The following RAB2B variants were observed in gnomAD, a reference collection of about 807,000 sequenced individuals.
RAB2B encodes the protein RAB2B, member RAS oncogene family, also known as ras-related protein Rab-2B.
A neutral mutation model predicts 29.8 loss-of-function variants in RAB2B; 20 were observed. That is an observed-to-expected ratio of 0.67 (90% CI 0.47 to 0.97). The LOEUF (loss-of-function observed/expected upper bound fraction) is 0.97, where lower values mean the gene tolerates loss of function less well. Ranked by LOEUF, RAB2B falls within the 50% of genes least tolerant of loss-of-function variation. The probability of loss-of-function intolerance (pLI) is 0.00; values close to 1 mark genes in which losing one functional copy is unlikely to be tolerated. For missense variants in RAB2B, 218 were observed against 272.0 expected, an observed-to-expected ratio of 0.80 and a Z score of 1.40; for synonymous variants, 93 against 91.7, an observed-to-expected ratio of 1.01 and a Z score of -0.08.
At chr14:21,474,963 T>G (rs1290669410) in intron 2 of RAB2B, 29 bp from the exon 3 acceptor site, 1 of 1,603,072 alleles carries the variant, frequency 6.2e-7, no homozygotes, top group Admixed American at 1.7e-5. Flanking sequence ...AGAAAGAATG[T>G]GATTCTCACG....
At position 21,468,772 on chromosome 14, in the gene RAB2B, AC is replaced by A; in HGVS notation, c.187-21del. The A allele has an allele frequency of 6.7e-7, 1 of 1,493,932 alleles. No homozygotes were observed. The highest frequency in any genetic ancestry group is 1.4e-5 in the South Asian group (1 of 69,148). The allele number at this position is 1,493,932 out of a possible 1,614,324, so 92.5% of individuals were successfully genotyped here. A position where few individuals can be genotyped will look rare whatever the true frequency, so the allele number is the denominator to read the frequency against. On this transcript the variant is annotated intron_variant, in intron 3 of 7. Transcript: ENST00000397762. ...CCCAGCCTTTCCCACCAACATGGCA[AC>A]AAAAAATCCCAACAAAACCAGGTTA...
At chr14:21,472,989 C>T (rs73581419) in intron 3 of RAB2B, among the ~76,000 whole-genome samples, 14,920 of 152,008 alleles carry the variant, frequency 0.098, 863 homozygotes, top group Admixed American at 0.21. Flanking sequence ...TCCAGGAATT[C>T]GAGACCAGCC....
Position 21,468,423 on chromosome 14 carries a change from G to A in RAB2B, c.296C>T (p.Ser99Leu). 1 of 1,613,914 alleles carries A rather than the reference G, an allele frequency of 6.2e-7. No individual in the cohort carries two copies. Among genetic ancestry groups the A allele is most frequent in the East Asian group, 2.2e-5 (1 of 44,884 alleles). Residue 99 changes from serine (S) to leucine (L), a missense_variant, in exon 5 of 8, where the codon TCA becomes TTA. By Grantham distance (145) the Ser-to-Leu change is moderately radical (BLOSUM62 -2). Transcript: ENST00000397762. ...GTGCTGCCGGGCATCCTCTAACCATGAGGTCAGGTGGTTGAAGGTTTCACG... is the reference window on the plus strand; with the variant it reads ...GTGCTGCCGGGCATCCTCTAACCATAAGGTCAGGTGGTTGAAGGTTTCACG... ...TRRETFNHLTSWLEDARQHSS... is the reference protein window; with the variant it reads ...TRRETFNHLTLWLEDARQHSS...
At chr14:21,468,305 A>G in intron 5 of RAB2B, 52 bp downstream of exon 5, 1 of 1,370,202 alleles carries the variant, frequency 7.3e-7, no homozygotes, top group Non-Finnish European at 1.0e-6. Context: ...CAATGTGCAT[A>G]GAGTACCTAG....
At chr14:21,463,901 CTT>C (rs765483292) in intron 5 of RAB2B, 134 bp from the exon 6 acceptor site, 44 of 610,990 alleles carry the variant, frequency 7.2e-5, no homozygotes, top group Non-Finnish European at 1.2e-4. Context: ...ACATGATACT[CTT>C]ATACAGAGTT....
At chr14:21,470,295 G>A (rs1227262729) in intron 3 of RAB2B, among the ~76,000 whole-genome samples, 1 of 152,058 alleles carries the variant, frequency 6.6e-6, no homozygotes. Context: ...GCTCACACAA[G>A]TTTAATAAAC....
intron 5 of RAB2B, among the ~76,000 whole-genome samples, chr14:21,464,842 A>T (rs1422600203): frequency 6.6e-6 from 1 of 152,122 alleles, no homozygotes; most frequent in African/African-American, 2.4e-5. Flanking sequence ...TGTCTCTACA[A>T]AAATTTAAAA....
intron 6 of RAB2B, 55 bp downstream of exon 6, chr14:21,463,601 G>T: frequency 2.5e-6 from 3 of 1,200,494 alleles, no homozygotes; most frequent in Non-Finnish European, 2.5e-6. Flanking sequence ...TGAATACAAG[G>T]ACAAATAATG....
chr14:21,476,787 T>C (rs1890986413), intron 1 of RAB2B, 40 bp downstream of exon 1: 3 of 1,516,626 alleles, frequency 2.0e-6, no homozygotes, highest in Non-Finnish European at 2.7e-6. Flanking sequence ...GAGCTTCGAA[T>C]GCCCGCCCGA....
chr14:21,474,855 T>C lies in RAB2B; in HGVS notation c.186+12A>G, dbSNP rs1162700804. ...GATATTGGTCAGAGACTAAATTATT[T>C]TGTACTCTCACCGTATCCCAGATTT... On this transcript the variant is annotated intron_variant, in intron 3 of 7. Coordinates refer to ENST00000397762, the MANE Select transcript of RAB2B (RefSeq NM_032846.4). The C allele has an allele frequency of 6.2e-7, 1 of 1,609,526 alleles. No individual in the cohort carries two copies. Among genetic ancestry groups the C allele is most frequent in the Non-Finnish European group, 8.5e-7 (1 of 1,175,718 alleles).
intron 3 of RAB2B, among the ~76,000 whole-genome samples, chr14:21,469,151 A>AT (rs1566470735): frequency 6.6e-6 from 1 of 151,992 alleles, no homozygotes; most frequent in Non-Finnish European, 1.5e-5. Context: ...AGTGTATGTC[A>AT]TTTTTTTCAA....
chr14:21,469,392 A>G (rs1890755181), intron 3 of RAB2B, among the ~76,000 whole-genome samples: 1 of 152,180 alleles, frequency 6.6e-6, no homozygotes, highest in Non-Finnish European at 1.5e-5. Flanking sequence ...GGCTTCTGTC[A>G]TGGGAAATAG....
At position 21,460,140 on chromosome 14, in the gene RAB2B, A is replaced by C. The variant is rs746810033; in HGVS notation, c.*1056T>G. On this transcript the variant is annotated 3_prime_UTR_variant, in exon 8 of 8. Transcript: ENST00000397762. ...AGAATTCTTAGGAAGTGGCAAGCAG[A>C]CACCCAAAGGCAAGGAAGAAAAAAA... 2 of 518,750 alleles carry C rather than the reference A, an allele frequency of 3.9e-6. No individual in the cohort carries two copies. The highest frequency in any genetic ancestry group is 3.9e-5 in the Admixed American group (2 of 51,486). 32.1% of individuals were successfully genotyped at this position (518,750 alleles called of 1,614,324 possible). A position where few individuals can be genotyped will look rare whatever the true frequency, so the allele number is the denominator to read the frequency against.
At chr14:21,470,278 A>G (rs909530528) in intron 3 of RAB2B, among the ~76,000 whole-genome samples, 1 of 152,092 alleles carries the variant, frequency 6.6e-6, no homozygotes, top group Non-Finnish European at 1.5e-5. Flanking sequence ...AAAATGGGGA[A>G]AATGAGGCTC....
rs142860228 is a variant in RAB2B at position 21,464,142 on chromosome 14, C to G, written c.363-375G>C. On this transcript the variant is annotated intron_variant, in intron 5 of 7. Transcript: ENST00000397762. ...CTTGGCTGGGCACAGTGGCTCATGCCTGTAATCCCAGCTCTTTGGGATGCC... is the reference window on the plus strand; with the variant it reads ...CTTGGCTGGGCACAGTGGCTCATGCGTGTAATCCCAGCTCTTTGGGATGCC... Among the ~76,000 whole-genome samples the G allele has an allele frequency of 4.6e-5, 7 of 152,190 alleles. No homozygotes were observed. In the East Asian group the frequency reaches 1.3e-3, roughly 29 times the overall value.
At position 21,463,707 on chromosome 14, in the gene RAB2B, A is replaced by G. The variant is rs764469334; in HGVS notation, c.423T>C (p.His141=). Residue 141 remains histidine, a synonymous_variant, in exon 6 of 8, where the codon CAT becomes CAC. Coordinates refer to ENST00000397762, the MANE Select transcript of RAB2B (RefSeq NM_032846.4). ...CTGAAGTTTCCATGAATATAAGTCC[A>G]TGCTCCCTAGCAAAGGCCTCTCCTT... is the stretch of plus-strand genomic sequence containing the variant. ...REEGEAFARE[H]GLIFMETSAK... 6.2e-7 allele frequency: 1 copy of G among 1,614,054 alleles called. No individual in the cohort carries two copies. Among genetic ancestry groups the G allele is most frequent in the East Asian group, 2.2e-5 (1 of 44,878 alleles).
At chr14:21,462,937 T>C (rs1204628265) in intron 6 of RAB2B, among the ~76,000 whole-genome samples, 4 of 151,742 alleles carry the variant, frequency 2.6e-5, no homozygotes, top group Admixed American at 2.6e-4. Context: ...ACAAAAGGAT[T>C]ATGGGGTATT....
chr14:21,464,342 G>A (rs1890638646), intron 5 of RAB2B, among the ~76,000 whole-genome samples: 1 of 152,202 alleles, frequency 6.6e-6, no homozygotes, highest in Non-Finnish European at 1.5e-5. Context: ...GGAAGTTGCA[G>A]TAAACTGAGA....
chr14:21,473,055 A>AG (rs1890857864), intron 3 of RAB2B, among the ~76,000 whole-genome samples: 1 of 152,172 alleles, frequency 6.6e-6, no homozygotes, highest in African/African-American at 2.4e-5. Flanking sequence ...TCCCCAGTGC[A>AG]GGGGATCAGG....
Sources: gnomAD v4.1 joint callset for allele counts (sites outside exome capture counted in the v4.1 genomes callset) on GRCh38, gnomAD v4.1.1 for gene constraint, MANE v1.5 for transcripts, NCBI Gene and HGNC (gene_info 2026-07-23, HGNC 2026-07-21) for gene names.